The following GRM8 variants were observed in gnomAD, a reference collection of about 807,000 sequenced individuals.
GRM8 encodes the protein glutamate metabotropic receptor 8, also known as metabotropic glutamate receptor 8.
GRM8 carries 47 observed loss-of-function variants against 87.2 expected under a neutral mutation model. The ratio of observed to expected loss-of-function variants is 0.54; its 90% confidence interval spans 0.43 to 0.69. GRM8 has a LOEUF of 0.69. Among genes scored for constraint, GRM8 ranks in the 30% least tolerant of loss-of-function variants. The pLI is 0.00. For synonymous variants in GRM8, 396 were observed against 404.5 expected, an observed-to-expected ratio of 0.98 and a Z score of 0.25; for missense variants, 1,019 against 1,139.2, an observed-to-expected ratio of 0.89 and a Z score of 1.52.
intron 8 of GRM8, among the ~76,000 whole-genome samples, chr7:126,554,219 G>A (rs1792894235): frequency 6.6e-6 from 1 of 151,686 alleles, no homozygotes; most frequent in African/African-American, 2.4e-5. Flanking sequence ...TTTTTAAATT[G>A]TAGATAAAAA....
At chr7:127,125,171 A>G (rs897548278) in intron 2 of GRM8, among the ~76,000 whole-genome samples, 6 of 152,188 alleles carry the variant, frequency 3.9e-5, no homozygotes, top group African/African-American at 1.4e-4. Flanking sequence ...AATTTACAAT[A>G]GCTACAATAA....
intron 6 of GRM8, among the ~76,000 whole-genome samples, chr7:126,783,089 C>A (rs1585913340): frequency 6.6e-6 from 1 of 152,292 alleles, no homozygotes; most frequent in African/African-American, 2.4e-5. Flanking sequence ...AATCAGTAAA[C>A]ACAGAGGCTG....
intron 2 of GRM8, among the ~76,000 whole-genome samples, chr7:127,207,443 A>G (rs1795975245): frequency 6.6e-6 from 1 of 152,220 alleles, no homozygotes; most frequent in Admixed American, 6.5e-5. Flanking sequence ...GTTGGCAATG[A>G]GCCAAGTACC....
At chr7:127,133,111 G>A (rs768396701) in intron 2 of GRM8, among the ~76,000 whole-genome samples, 3 of 152,182 alleles carry the variant, frequency 2.0e-5, no homozygotes, top group African/African-American at 4.8e-5. Flanking sequence ...CTGCAGACCA[G>A]CCTGGGCAGC....
At chr7:126,648,512 T>C (rs11767915) in intron 7 of GRM8, among the ~76,000 whole-genome samples, 19,875 of 152,254 alleles carry the variant, frequency 0.13, 1,592 homozygotes, top group South Asian at 0.2. Context: ...TGGTCTGTAG[T>C]AGTTTTCTTT....
chr7:126,512,029 T>C (rs1465909393), intron 9 of GRM8: 1 of 152,042 alleles, frequency 6.6e-6, no homozygotes, highest in East Asian at 1.9e-4. Flanking sequence ...TTGATAACTC[T>C]ATGGAAACAA....
intron 7 of GRM8, among the ~76,000 whole-genome samples, chr7:126,683,616 T>C (rs1158383886): frequency 1.3e-5 from 2 of 152,228 alleles, no homozygotes; most frequent in Non-Finnish European, 2.9e-5. Context: ...TAAACCTTAC[T>C]GAAGGTCAAG....
chr7:127,122,506 C>A (rs1481689434), intron 2 of GRM8, among the ~76,000 whole-genome samples: 1 of 151,330 alleles, frequency 6.6e-6, no homozygotes, highest in Non-Finnish European at 1.5e-5. Context: ...ACAGGAAAAC[C>A]TCTTAGGCAC....
intron 3 of GRM8, among the ~76,000 whole-genome samples, chr7:126,960,122 AG>A (rs1809156009): frequency 6.6e-6 from 1 of 152,186 alleles, no homozygotes; most frequent in Non-Finnish European, 1.5e-5. Flanking sequence ...TCAATGAAAA[AG>A]AAAACGACAC....
At chr7:127,134,924 T>A (rs11563356) in intron 2 of GRM8, among the ~76,000 whole-genome samples, 37,414 of 152,030 alleles carry the variant, frequency 0.25, 5,456 homozygotes, top group Non-Finnish European at 0.34. Context: ...TCATAAACAA[T>A]TTTTAAAAAT....
chr7:127,059,670 C>T (rs1313443914), intron 3 of GRM8, among the ~76,000 whole-genome samples: 1 of 152,114 alleles, frequency 6.6e-6, no homozygotes. Context: ...CTGACTCACA[C>T]TCATATTACC....
chr7:126,446,441 C>A (rs1031653620), intron 9 of GRM8, 69 bp from the exon 10 acceptor site: 2 of 1,052,674 alleles, frequency 1.9e-6, no homozygotes, highest in African/African-American at 3.2e-5. Flanking sequence ...AAATAACATA[C>A]TATTTTCTAA....
chr7:126,548,600 T>C (rs1308536767), intron 8 of GRM8, among the ~76,000 whole-genome samples: 2 of 152,106 alleles, frequency 1.3e-5, no homozygotes, highest in Non-Finnish European at 2.9e-5. Flanking sequence ...GTAGCTACAT[T>C]GGGAAGATGA....
At chr7:126,863,570 T>C (rs1586236195) in intron 6 of GRM8, among the ~76,000 whole-genome samples, 1 of 152,270 alleles carries the variant, frequency 6.6e-6, no homozygotes, top group South Asian at 2.1e-4. Flanking sequence ...CATAGTCTGC[T>C]CCTATAACCA....
At chr7:126,773,943 T>C (rs1819141873) in intron 6 of GRM8, among the ~76,000 whole-genome samples, 1 of 152,192 alleles carries the variant, frequency 6.6e-6, no homozygotes, top group Admixed American at 6.6e-5. Flanking sequence ...TTCAAATTAT[T>C]CATTTTCTTT....
At chr7:126,649,535 C>G (rs1481099292) in intron 7 of GRM8, among the ~76,000 whole-genome samples, 1 of 152,058 alleles carries the variant, frequency 6.6e-6, no homozygotes, top group African/African-American at 2.4e-5. Context: ...AATAAACTGT[C>G]TTTTATATAT....
At chr7:126,542,967 G>A (rs142207893) in intron 8 of GRM8, among the ~76,000 whole-genome samples, 1 of 152,234 alleles carries the variant, frequency 6.6e-6, no homozygotes, top group Admixed American at 6.5e-5. Flanking sequence ...GTAGAGTAAG[G>A]GCAAAAGATG....
chr7:126,634,536 TG>T (rs1801658385), intron 7 of GRM8, among the ~76,000 whole-genome samples: 1 of 152,126 alleles, frequency 6.6e-6, no homozygotes, highest in South Asian at 2.1e-4. Context: ...CTATAGTATC[TG>T]GGGTTTGCTC....
intron 8 of GRM8, among the ~76,000 whole-genome samples, chr7:126,571,539 TAGTA>T (rs1260748449): frequency 6.6e-6 from 1 of 152,202 alleles, no homozygotes; most frequent in East Asian, 1.9e-4. Flanking sequence ...ATTCTGGGAA[TAGTA>T]AGATTTCTAG....
Sources: allele counts gnomAD v4.1 joint callset (sites outside exome capture counted in the v4.1 genomes callset), GRCh38; gene constraint gnomAD v4.1.1; transcripts MANE v1.5; gene names NCBI Gene and HGNC (gene_info 2026-07-23, HGNC 2026-07-21).